Variants in PSMD6 observed in about 807,000 individuals in gnomAD.
PSMD6 encodes 26S proteasome non-ATPase regulatory subunit 6.
Under a neutral mutation model 44.9 loss-of-function variants are expected in PSMD6, and 7 were observed. That is an observed-to-expected ratio of 0.16 (90% CI 0.09 to 0.29). PSMD6 has a LOEUF of 0.29. Ranked by LOEUF, PSMD6 falls within the 10% of genes least tolerant of loss-of-function variation. The pLI, the probability that PSMD6 is intolerant of heterozygous loss-of-function variation, is 1.00. For synonymous variants in PSMD6, 184 were observed against 172.7 expected, an observed-to-expected ratio of 1.07 and a Z score of -0.51; for missense variants, 420 against 482.6, an observed-to-expected ratio of 0.87 and a Z score of 1.21.
At chr3:64,011,662 C>T (rs932039483) in intron 6 of PSMD6, 1 of 150,010 alleles carries the variant, frequency 6.7e-6, no homozygotes, top group Admixed American at 6.6e-5. Flanking sequence ...AAAAAAAAAA[C>T]TGAACAAATA....
intron 3 of PSMD6, 37 bp from the exon 4 acceptor site, chr3:64,019,074 C>T: frequency 6.5e-7 from 1 of 1,531,756 alleles, no homozygotes; most frequent in Non-Finnish European, 9.0e-7. Flanking sequence ...AGTCTGGAAA[C>T]AGACAAGGCC....
In PSMD6 at chr3:64,018,974, A is replaced by G. The variant is rs1300252410; in HGVS notation, c.561T>C (p.Tyr187=). The G allele has an allele frequency of 1.9e-6, 3 of 1,612,998 alleles. No homozygotes were observed. Among genetic ancestry groups the G allele is most frequent in the East Asian group, 2.2e-5 (1 of 44,846 alleles). Residue 187 remains tyrosine (Y), a synonymous_variant, in exon 4 of 8, where the codon TAT becomes TAC. Transcript: ENST00000295901. ...RNRLKVYQGL[Y]CVAIRDFKQA... ...GTTTGAAATCACGAATAGCCACACA[A>G]TAAAGACCCTGATACACTTTTAGGC...
intron 3 of PSMD6, 46 bp from the exon 4 acceptor site, chr3:64,019,083 C>G (rs140387621): frequency 0.013 from 19,095 of 1,511,066 alleles, 178 homozygotes; most frequent in Middle Eastern, 0.027. Context: ...ACAGACAAGG[C>G]CACGTTTTAA....
intron 6 of PSMD6, chr3:64,012,511 G>A (rs758058323): frequency 2.0e-5 from 3 of 152,030 alleles, no homozygotes; most frequent in Non-Finnish European, 4.4e-5. Context: ...ATGTAACTTG[G>A]GCTCTAAATC....
At chr3:64,011,576 C>T (rs908157387) in intron 6 of PSMD6, 1 of 151,984 alleles carries the variant, frequency 6.6e-6, no homozygotes, top group Non-Finnish European at 1.5e-5. Flanking sequence ...TAAAACAAGG[C>T]CTTTTTAGGT....
At chr3:64,016,788 A>C (rs1027703845) in intron 5 of PSMD6, 1 of 152,220 alleles carries the variant, frequency 6.6e-6, no homozygotes, top group African/African-American at 2.4e-5. Context: ...CAAAAAGTTT[A>C]TCAGAGGGTT....
chr3:64,019,295 C>A lies in PSMD6; in HGVS notation c.497+1G>T. On this transcript the variant is annotated splice_donor_variant, in intron 3 of 7. Coordinates refer to ENST00000295901, the MANE Select transcript of PSMD6 (RefSeq NM_014814.3). LOFTEE classifies it high-confidence loss of function. Reference sequence around the variant, plus strand: ...AATATAATCCCACCCTTAGAAAGTACCTTTTGGCCTTTTCTGTGTTTCGTG... The same window carrying A: ...AATATAATCCCACCCTTAGAAAGTAACTTTTGGCCTTTTCTGTGTTTCGTG... 1 of 1,570,246 alleles carries A rather than the reference C, an allele frequency of 6.4e-7. No homozygotes were observed.
chr3:64,019,115 T>TGA, intron 3 of PSMD6, 78 bp from the exon 4 acceptor site: 1 of 1,444,236 alleles, frequency 6.9e-7, no homozygotes, highest in African/African-American at 1.4e-5. Flanking sequence ...TTATTTGAAA[T>TGA]GAGAAAACAA....
chr3:64,010,803 T>A (rs982784557), intron 7 of PSMD6, 39 bp from the exon 8 acceptor site: 2 of 1,576,968 alleles, frequency 1.3e-6, no homozygotes, highest in Non-Finnish European at 1.7e-6. Context: ...TATTTACCAG[T>A]CACATTATTC....
chr3:64,011,433 AATG>A (rs1338426849), intron 6 of PSMD6: 1 of 152,340 alleles, frequency 6.6e-6, no homozygotes, highest in Non-Finnish European at 1.5e-5. Context: ...GAAGGGGAGA[AATG>A]ATGTAGAATT....
Position 64,023,304 on chromosome 3 carries a change from T to A in PSMD6, c.116A>T (p.Asp39Val). Residue 39 changes from aspartate to valine, a missense_variant, in exon 1 of 8, where the codon GAC becomes GTC. Physicochemically the swap from Asp to Val is radical, Grantham distance 152. Transcript: ENST00000295901. ...ATCGCGGACGGCCGCCATCAGCTCG[T>A]CGCGCACGGCAGCGTCTCCGCGGTG... ...PEHRGDAAVR[D>V]ELMAAVRDNN... 6.3e-7 allele frequency: 1 copy of A among 1,584,856 alleles called. No homozygotes were observed. The highest frequency in any genetic ancestry group is 8.6e-7 in the Non-Finnish European group (1 of 1,166,488).
chr3:64,020,806 A>G (rs1036383680), intron 2 of PSMD6, among the ~76,000 whole-genome samples: 2 of 152,212 alleles, frequency 1.3e-5, no homozygotes, highest in African/African-American at 2.4e-5. Context: ...ATAATTACCG[A>G]GGTTGAAAAC....
intron 5 of PSMD6, 168 bp downstream of exon 5, chr3:64,018,431 G>C: frequency 5.6e-6 from 3 of 535,386 alleles, no homozygotes; most frequent in Non-Finnish European, 1.0e-5. Flanking sequence ...ACAATCTGAT[G>C]ACCCTTCTTC....
intron 7 of PSMD6, 38 bp from the exon 8 acceptor site, chr3:64,010,802 G>A: frequency 6.3e-7 from 1 of 1,576,836 alleles, no homozygotes; most frequent in Non-Finnish European, 8.7e-7. Context: ...TTATTTACCA[G>A]TCACATTATT....
intron 6 of PSMD6, chr3:64,013,143 G>T: frequency 4.0e-6 from 1 of 248,788 alleles, no homozygotes. Context: ...CTGCAGTGTG[G>T]TCTACAAAGA....
At chr3:64,013,962 C>G (rs1360054902) in intron 5 of PSMD6, 1 of 166,814 alleles carries the variant, frequency 6.0e-6, no homozygotes, top group South Asian at 1.9e-4. Flanking sequence ...ACAATTCTAA[C>G]AGAGAAACAG....
chr3:64,022,615 G>A (rs750295685), intron 1 of PSMD6, 92 bp from the exon 2 acceptor site: 1 of 1,579,970 alleles, frequency 6.3e-7, no homozygotes. Flanking sequence ...CCCGCCACAA[G>A]TCATCCACCA....
In PSMD6 at chr3:64,018,837, C is replaced by G; in HGVS notation, c.698G>C (p.Arg233Thr). The G allele has an allele frequency of 6.3e-7, 1 of 1,585,098 alleles. No homozygotes were observed. The highest frequency in any genetic ancestry group is 8.7e-7 in the Non-Finnish European group (1 of 1,153,964). The change falls in exon 4 of 8, where the codon AGA becomes ACA. Residue 233 changes from arginine to threonine, a missense_variant. Transcript: ENST00000295901. Reference sequence around the variant, plus strand: ...CATTACCTTTTCCCTGAGATCTGGTCTTTCTAAGGCAATCATACTGACATA... The same window carrying G: ...CATTACCTTTTCCCTGAGATCTGGTGTTTCTAAGGCAATCATACTGACATA... ...TVYVSMIALE[R>T]PDLREKVIKG... is the part of the protein sequence containing the mutation.
upstream of PSMD6, chr3:64,023,580 T>A: frequency 7.1e-7 from 1 of 1,412,924 alleles, no homozygotes; most frequent in Non-Finnish European, 9.2e-7. Flanking sequence ...CGGGAACGCC[T>A]CACCCGGCCT....
Sources: allele counts gnomAD v4.1 joint callset (sites outside exome capture counted in the v4.1 genomes callset), GRCh38; gene constraint gnomAD v4.1.1; transcripts MANE v1.5; gene names NCBI Gene and HGNC (gene_info 2026-07-23, HGNC 2026-07-21).